Variants in SLC24A2 observed in about 807,000 individuals in gnomAD.
The protein encoded by SLC24A2 is solute carrier family 24 member 2, also known as sodium/potassium/calcium exchanger 2.
SLC24A2 carries 36 observed loss-of-function variants against 62.0 expected under a neutral mutation model. The observed-to-expected ratio is 0.58, with a 90% confidence interval of 0.44 to 0.77. The LOEUF is 0.77. Among genes scored for constraint, SLC24A2 ranks in the 30% least tolerant of loss-of-function variants. SLC24A2 has a pLI of 0.00. For missense variants in SLC24A2, 846 were observed against 817.9 expected (o/e 1.03, Z -0.42); for synonymous variants, 358 against 294.0 (o/e 1.22, Z -2.23).
chr9:19,909,699 G>A, the SLC24A2 span, among the ~76,000 whole-genome samples: 3 of 152,012 alleles, frequency 2.0e-5, no homozygotes, highest in African/African-American at 7.2e-5. Context: ...GTGGCAGGGA[G>A]GGCATCTTCA....
At chr9:19,624,989 T>G (rs1817998122) in intron 2 of SLC24A2, among the ~76,000 whole-genome samples, 1 of 152,132 alleles carries the variant, frequency 6.6e-6, no homozygotes, top group Non-Finnish European at 1.5e-5. Flanking sequence ...CTAGTGAAGG[T>G]GACAAAGAAA....
chr9:20,188,464 C>A, the SLC24A2 span, among the ~76,000 whole-genome samples: 2 of 152,184 alleles, frequency 1.3e-5, no homozygotes, highest in Non-Finnish European at 2.9e-5. Context: ...GTGTGGTAAG[C>A]AGAATAATGG....
chr9:19,544,357 C>A (rs182784468), intron 8 of SLC24A2, among the ~76,000 whole-genome samples: 98 of 151,134 alleles, frequency 6.5e-4, no homozygotes, highest in Admixed American at 1.1e-3. Flanking sequence ...CTGAATACAG[C>A]CACTGATGGG....
the SLC24A2 span, among the ~76,000 whole-genome samples, chr9:20,036,840 A>C: frequency 2.0e-5 from 3 of 151,896 alleles, no homozygotes; most frequent in African/African-American, 7.3e-5. Context: ...ATATATGTGT[A>C]TATATATGTG....
chr9:19,637,208 T>C (rs1423919547), intron 2 of SLC24A2, among the ~76,000 whole-genome samples: 1 of 152,244 alleles, frequency 6.6e-6, no homozygotes, highest in Non-Finnish European at 1.5e-5. Context: ...CAGAGCATTT[T>C]ACTCACACTG....
At chr9:19,915,642 T>C in the SLC24A2 span, among the ~76,000 whole-genome samples, 1 of 152,126 alleles carries the variant, frequency 6.6e-6, no homozygotes, top group Admixed American at 6.6e-5. Flanking sequence ...CTAGTAGGTA[T>C]GAAGTAGCAT....
the SLC24A2 span, among the ~76,000 whole-genome samples, chr9:20,039,034 G>A: frequency 6.6e-6 from 1 of 152,164 alleles, no homozygotes; most frequent in East Asian, 1.9e-4. Context: ...AATGGACTAA[G>A]AGAGAACAGA....
the SLC24A2 span, among the ~76,000 whole-genome samples, chr9:20,011,688 C>A: frequency 1.3e-5 from 2 of 152,090 alleles, no homozygotes; most frequent in Admixed American, 6.6e-5. Flanking sequence ...AAGATAATAA[C>A]ATTTAGGTAC....
chr9:20,036,406 G>A, the SLC24A2 span, among the ~76,000 whole-genome samples: 1 of 146,684 alleles, frequency 6.8e-6, no homozygotes, highest in African/African-American at 2.5e-5. Flanking sequence ...TTACCACATT[G>A]TGCAATAGAA....
chr9:19,907,987 T>A, the SLC24A2 span, among the ~76,000 whole-genome samples: 1 of 152,276 alleles, frequency 6.6e-6, no homozygotes, highest in South Asian at 2.1e-4. Context: ...AAAACTACTT[T>A]AAAGTTCATA....
chr9:20,061,984 C>T, the SLC24A2 span, among the ~76,000 whole-genome samples: 1 of 152,242 alleles, frequency 6.6e-6, no homozygotes, highest in Admixed American at 6.5e-5. Flanking sequence ...ACCTGTAATC[C>T]CAGTGCTTTG....
the SLC24A2 span, among the ~76,000 whole-genome samples, chr9:20,200,514 C>A: frequency 1.1e-4 from 17 of 152,354 alleles, no homozygotes; most frequent in African/African-American, 3.8e-4. Flanking sequence ...ACTCCAACTC[C>A]GTGTAACGGA....
At chr9:19,744,776 A>G (rs1377782023) in intron 2 of SLC24A2, among the ~76,000 whole-genome samples, 3 of 152,208 alleles carry the variant, frequency 2.0e-5, no homozygotes, top group East Asian at 1.9e-4. Context: ...CCATCTAAAC[A>G]TTCATTTTAC....
chr9:19,973,388 G>C, the SLC24A2 span, among the ~76,000 whole-genome samples: 1 of 152,194 alleles, frequency 6.6e-6, no homozygotes, highest in Admixed American at 6.5e-5. Flanking sequence ...TTATTTAACA[G>C]ACCCTACATC....
At chr9:19,960,750 T>C in the SLC24A2 span, among the ~76,000 whole-genome samples, 4 of 152,122 alleles carry the variant, frequency 2.6e-5, no homozygotes, top group Admixed American at 1.3e-4. Context: ...GCAAATCACA[T>C]AATCTCCAAG....
the SLC24A2 span, among the ~76,000 whole-genome samples, chr9:20,077,756 A>G: frequency 6.6e-6 from 1 of 152,208 alleles, no homozygotes; most frequent in African/African-American, 2.4e-5. Flanking sequence ...GATAGTTGCA[A>G]GCTTGACAAC....
the SLC24A2 span, chr9:19,967,607 T>G: frequency 6.6e-6 from 1 of 152,256 alleles, no homozygotes; most frequent in Non-Finnish European, 1.5e-5. Context: ...GCCCTCCTGT[T>G]AGCTCTGAGG....
the SLC24A2 span, among the ~76,000 whole-genome samples, chr9:20,007,998 C>A: frequency 2.1e-5 from 3 of 143,460 alleles, no homozygotes; most frequent in African/African-American, 7.8e-5. Flanking sequence ...TGGGTTCAAG[C>A]GATTCTCCTG....
In SLC24A2 at chr9:19,510,123, T is replaced by C. The variant is rs1832661845; in HGVS notation, c.*6030A>G. 6.6e-6 allele frequency: 1 copy of C among 152,192 alleles called. No homozygotes were observed. Among genetic ancestry groups the C allele is most frequent in the Non-Finnish European group, 1.5e-5 (1 of 68,034 alleles). 9.4% of individuals were successfully genotyped at this position (152,192 alleles called of 1,614,324 possible). A position where few individuals can be genotyped will look rare whatever the true frequency, so the allele number is the denominator to read the frequency against. On this transcript the variant is annotated 3_prime_UTR_variant, in exon 11 of 11. Transcript: ENST00000341998. Reference sequence around the variant, plus strand: ...TTTGAGTTCTTTGTGAGTCTGAGATTATGACCTAATGACCTTAAAAGCAGT... The same window carrying C: ...TTTGAGTTCTTTGTGAGTCTGAGATCATGACCTAATGACCTTAAAAGCAGT...
Sources: gnomAD v4.1 joint callset for allele counts (sites outside exome capture counted in the v4.1 genomes callset) on GRCh38, gnomAD v4.1.1 for gene constraint, MANE v1.5 for transcripts, NCBI Gene and HGNC (gene_info 2026-07-23, HGNC 2026-07-21) for gene names.